Variants in ZNF140 observed in about 807,000 individuals in gnomAD.
ZNF140 encodes the protein zinc finger protein 140 (clone pHZ-39).
In ZNF140, 13 loss-of-function variants were observed where a neutral mutation model predicts 12.9. The ratio of observed to expected loss-of-function variants is 1.01; its 90% CI spans 0.66 to 1.60. ZNF140 has a LOEUF of 1.60. Ranked by LOEUF, ZNF140 falls within the 40% of genes most tolerant of loss-of-function variation. ZNF140 has a pLI of 0.00. For missense variants in ZNF140, 531 were observed against 548.8 expected (o/e 0.97, Z 0.32); for synonymous variants, 214 against 186.7 (o/e 1.15, Z -1.19).
At chr12:133,093,327 A>G (rs1409544427) in intron 4 of ZNF140, 6 of 653,164 alleles carry the variant, frequency 9.2e-6, no homozygotes, top group Admixed American at 4.6e-5. Flanking sequence ...GCTCCTGCAG[A>G]CATAGGGAGA....
intron 4 of ZNF140, among the ~76,000 whole-genome samples, chr12:133,102,365 AAG>A (rs1955378882): frequency 6.6e-6 from 1 of 152,184 alleles, no homozygotes. Flanking sequence ...TTCCCAAGAA[AAG>A]AGTGAATACA....
chr12:133,095,104 C>T (rs1483508683), intron 4 of ZNF140, among the ~76,000 whole-genome samples: 5 of 151,078 alleles, frequency 3.3e-5, no homozygotes, highest in African/African-American at 4.9e-5. Flanking sequence ...CCATACTGCA[C>T]GTGGGATGAT....
At chr12:133,096,950 G>A (rs1955152025) in intron 4 of ZNF140, among the ~76,000 whole-genome samples, 5 of 152,230 alleles carry the variant, frequency 3.3e-5, no homozygotes, top group African/African-American at 9.6e-5. Context: ...AAAGAGGGGT[G>A]TTGAAGTCCC....
chr12:133,097,574 C>T (rs908843222), intron 4 of ZNF140, among the ~76,000 whole-genome samples: 6 of 147,416 alleles, frequency 4.1e-5, no homozygotes, highest in Admixed American at 6.8e-5. Flanking sequence ...ACCCGGGAGG[C>T]GGAGGTTGCA....
At chr12:133,093,517 A>G (rs1386932629) in intron 4 of ZNF140, 1 of 697,310 alleles carries the variant, frequency 1.4e-6, no homozygotes, top group African/African-American at 1.8e-5. Flanking sequence ...TAAGTATCCA[A>G]ACTGGAAGCT....
chr12:133,087,658 GAACTA>G (rs1346175187), intron 4 of ZNF140, among the ~76,000 whole-genome samples: 10 of 152,158 alleles, frequency 6.6e-5, no homozygotes, highest in African/African-American at 1.2e-4. Context: ...TGCTGATGCT[GAACTA>G]AAGTAGACAT....
chr12:133,089,241 C>G (rs1156390236), intron 4 of ZNF140, among the ~76,000 whole-genome samples: 1 of 151,048 alleles, frequency 6.6e-6, no homozygotes, highest in Admixed American at 6.6e-5. Context: ...GAGGCAGGGT[C>G]TCACTCTGTT....
chr12:133,087,641 C>A (rs1471696068), intron 4 of ZNF140, among the ~76,000 whole-genome samples: 1 of 151,982 alleles, frequency 6.6e-6, no homozygotes, highest in Non-Finnish European at 1.5e-5. Context: ...AACAAATGAC[C>A]AGATGATGCT....
Position 133,095,544 on chromosome 12 carries a change from G to T in ZNF140, c.233-9966G>T, listed in dbSNP as rs941421018. Among the ~76,000 whole-genome samples the T allele has an allele frequency of 3.8e-4, 57 of 151,664 alleles. 2 individuals carry two copies. Among genetic ancestry groups the T allele is most frequent in the Non-Finnish European group, 7.4e-4 (50 of 67,924 alleles). ...TGGGATGAGAGACTGAGAAAAGAAA[G>T]AAGACACAGAGACAAAGTATAGAGA... On this transcript the variant is annotated intron_variant, in intron 4 of 4. Transcript: ENST00000355557.
At chr12:133,100,113 G>A (rs1002950301) in intron 4 of ZNF140, among the ~76,000 whole-genome samples, 4 of 137,914 alleles carry the variant, frequency 2.9e-5, no homozygotes, top group African/African-American at 1.1e-4. Flanking sequence ...ATTGGTTAGA[G>A]TATGTTTCTG....
rs1955554142 is a variant in ZNF140 at position 133,105,375 on chromosome 12, T to G, written c.233-135T>G. The stretch of plus-strand genomic sequence containing the variant: ...GAAGTTCTGGGCATACTACTCAGAT[T>G]TCAGTCACAGCTGTGAAAGCTGCTA... On this transcript the variant is annotated intron_variant, in intron 4 of 4. Transcript: ENST00000355557. 3 of 858,710 alleles carry G rather than the reference T, an allele frequency of 3.5e-6. No individual in the cohort carries two copies. In the Admixed American group the frequency reaches 8.9e-5, roughly 26 times the overall value. The allele number at this position is 858,710 out of a possible 1,614,324, so 53.2% of individuals were successfully genotyped here.
At chr12:133,081,879 G>T (rs1160801340) in intron 2 of ZNF140, 1 of 196,844 alleles carries the variant, frequency 5.1e-6, no homozygotes, top group Non-Finnish European at 1.1e-5. Context: ...AGCATCATCT[G>T]AGAACGTATT....
chr12:133,105,229 G>T (rs1034921771), intron 4 of ZNF140, among the ~76,000 whole-genome samples: 1 of 152,134 alleles, frequency 6.6e-6, no homozygotes, highest in Non-Finnish European at 1.5e-5. Context: ...TGGTGAAGAA[G>T]ACTAGCAACC....
chr12:133,100,057 C>A (rs1317939720), intron 4 of ZNF140, among the ~76,000 whole-genome samples: 1 of 151,688 alleles, frequency 6.6e-6, no homozygotes, highest in Non-Finnish European at 1.5e-5. Flanking sequence ...TTTCCACAAC[C>A]TCCGATGGAT....
At chr12:133,091,658 G>C (rs1012232673) in intron 4 of ZNF140, among the ~76,000 whole-genome samples, 3 of 150,614 alleles carry the variant, frequency 2.0e-5, no homozygotes, top group Admixed American at 2.0e-4. Context: ...AGAAAGGACA[G>C]ACATACAAGG....
At chr12:133,102,043 T>G (rs1955367999) in intron 4 of ZNF140, among the ~76,000 whole-genome samples, 2 of 152,180 alleles carry the variant, frequency 1.3e-5, no homozygotes, top group Admixed American at 1.3e-4. Context: ...AACTGCCTTT[T>G]GTAATGTAGT....
intron 4 of ZNF140, chr12:133,100,903 G>A (rs1256431564): frequency 2.8e-5 from 12 of 424,828 alleles, no homozygotes; most frequent in South Asian, 1.7e-4. Context: ...GGTGCGAGAC[G>A]TCACACTACT....
In ZNF140 at chr12:133,106,940, T is replaced by A. The variant is rs1265378009; in HGVS notation, c.*289T>A. ...AAGACTTCATTTGGTAGGAGTCCCT[T>A]ACTTTACGTGTGTAAATTCCTACCA... On this transcript the variant is annotated 3_prime_UTR_variant, in exon 5 of 5. Coordinates refer to ENST00000355557, the MANE Select transcript of ZNF140 (RefSeq NM_003440.4). 3.4e-5 allele frequency: 8 copies of A among 237,124 alleles called. No individual in the cohort carries two copies. Among genetic ancestry groups the A allele is most frequent in the Admixed American group, 1.5e-4 (3 of 19,822 alleles). 14.7% of individuals were successfully genotyped at this position (237,124 alleles called of 1,614,324 possible).
intron 4 of ZNF140, among the ~76,000 whole-genome samples, chr12:133,090,570 A>C (rs1593758375): frequency 6.6e-6 from 1 of 152,068 alleles, no homozygotes; most frequent in African/African-American, 2.4e-5. Context: ...ACCTGTGGGT[A>C]TTTCTAGTCG....
Sources: gnomAD v4.1 joint callset for allele counts (sites outside exome capture counted in the v4.1 genomes callset) on GRCh38, gnomAD v4.1.1 for gene constraint, MANE v1.5 for transcripts, NCBI Gene and HGNC (gene_info 2026-07-23, HGNC 2026-07-21) for gene names.